The following GLUD1 variants were observed in gnomAD, a reference collection of about 807,000 sequenced individuals.
The protein encoded by GLUD1 is glutamate dehydrogenase 1.
In GLUD1, 22 loss-of-function variants were observed where a neutral mutation model predicts 56.0. The observed-to-expected ratio is 0.39, with a 90% CI of 0.28 to 0.56. The LOEUF is 0.56. Among genes scored for constraint, GLUD1 ranks in the 20% least tolerant of loss-of-function variants. GLUD1 has a pLI of 0.58. For synonymous variants in GLUD1, 223 were observed against 269.9 expected, an observed-to-expected ratio of 0.83 and a Z score of 1.70; for missense variants, 451 against 732.0, an observed-to-expected ratio of 0.62 and a Z score of 4.43.
chr10:87,074,216 G>A (rs1471427793), intron 4 of GLUD1, among the ~76,000 whole-genome samples: 2 of 152,116 alleles, frequency 1.3e-5, no homozygotes, highest in African/African-American at 4.8e-5. Flanking sequence ...ACAAATAGTA[G>A]GAGGCCGGGC....
At chr10:87,063,679 G>C (rs575543667) in intron 5 of GLUD1, among the ~76,000 whole-genome samples, 1 of 148,980 alleles carries the variant, frequency 6.7e-6, no homozygotes, top group East Asian at 1.9e-4. Flanking sequence ...AATATAACTT[G>C]ATACTTAATA....
intron 4 of GLUD1, among the ~76,000 whole-genome samples, chr10:87,069,854 TGAC>T (rs141614769): frequency 0.59 from 86,385 of 147,506 alleles, 25,147 homozygotes; most frequent in East Asian, 0.73. Flanking sequence ...ATGAAGTCAA[TGAC>T]GACAACAACA....
chr10:87,069,287 A>G (rs530275437), intron 4 of GLUD1, among the ~76,000 whole-genome samples: 1 of 151,932 alleles, frequency 6.6e-6, no homozygotes, highest in East Asian at 1.9e-4. Flanking sequence ...GAGGCTGAGG[A>G]GGGCGGATCA....
At chr10:87,093,966 A>G in intron 1 of GLUD1, 1 of 1,399,204 alleles carries the variant, frequency 7.1e-7, no homozygotes, top group Non-Finnish European at 9.4e-7. Context: ...GCATTATCAC[A>G]CGGGCAGGTC....
At chr10:87,060,658 T>C (rs751656525) in intron 8 of GLUD1, 30 bp downstream of exon 8, 1 of 1,613,794 alleles carries the variant, frequency 6.2e-7, no homozygotes, top group Non-Finnish European at 8.5e-7. Context: ...ACATTGATAA[T>C]GTTGGTTCTG....
chr10:87,094,344 G>A lies in GLUD1; in HGVS notation c.426C>T (p.His142=), dbSNP rs1841654696. The A allele has an allele frequency of 1.2e-6, 2 of 1,610,268 alleles. No homozygotes were observed. The highest frequency in any genetic ancestry group is 2.7e-5 in the African/African-American group (2 of 74,838). ...GCTCACCTCCCTTGCAGGGCGTGCG[G>A]TGCTGGCTGTGCTGGGCCCGGTAGC... ...IEGYRAQHSQ[H]RTPCKGGIRY... is the part of the protein sequence containing the mutation. The change falls in exon 1 of 13, where the codon CAC becomes CAT. Residue 142 remains histidine (H), a synonymous_variant. Coordinates refer to ENST00000277865, the MANE Select transcript of GLUD1 (RefSeq NM_005271.5). The surrounding 1 kb of genome is among the most constrained non-coding windows in gnomAD (Gnocchi z 6.6).
At chr10:87,072,864 A>C (rs1846275987) in intron 4 of GLUD1, among the ~76,000 whole-genome samples, 2 of 152,254 alleles carry the variant, frequency 1.3e-5, no homozygotes, top group South Asian at 4.1e-4. Flanking sequence ...AGATGACTTC[A>C]ATTCACCATA....
At chr10:87,081,360 C>A (rs1249005446) in intron 1 of GLUD1, among the ~76,000 whole-genome samples, 1 of 135,210 alleles carries the variant, frequency 7.4e-6, no homozygotes, top group East Asian at 2.3e-4. Flanking sequence ...CCGCCCTGTC[C>A]GGGAGGTGAG....
intron 11 of GLUD1, among the ~76,000 whole-genome samples, chr10:87,054,773 G>A (rs1029876142): frequency 6.6e-6 from 1 of 152,210 alleles, no homozygotes; most frequent in Admixed American, 6.5e-5. Context: ...GACTCAGAGG[G>A]AAACTGCTGA....
intron 1 of GLUD1, among the ~76,000 whole-genome samples, chr10:87,088,745 C>T (rs1205935112): frequency 6.6e-6 from 1 of 152,134 alleles, no homozygotes; most frequent in African/African-American, 2.4e-5. Context: ...AGACTTTCTC[C>T]AAGAATAATA....
intron 4 of GLUD1, among the ~76,000 whole-genome samples, chr10:87,070,395 G>C (rs1256183480): frequency 2.6e-5 from 4 of 152,098 alleles, no homozygotes; most frequent in African/African-American, 9.7e-5. Flanking sequence ...GGTCAAGAGA[G>C]AGAGACCATC....
intron 1 of GLUD1, among the ~76,000 whole-genome samples, chr10:87,080,165 C>G (rs1050780345): frequency 6.6e-6 from 1 of 151,948 alleles, no homozygotes; most frequent in Non-Finnish European, 1.5e-5. Flanking sequence ...GTCTCCAGCT[C>G]CTAACCGCGA....
At chr10:87,082,038 A>G (rs1473983045) in intron 1 of GLUD1, among the ~76,000 whole-genome samples, 1 of 151,968 alleles carries the variant, frequency 6.6e-6, no homozygotes, top group African/African-American at 2.4e-5. Context: ...AGCCTGTGGA[A>G]GTCATCACCA....
Position 87,050,407 on chromosome 10 carries a change from T to C in GLUD1, c.*1344A>G, listed in dbSNP as rs892394285. 1.2e-4 allele frequency: 18 copies of C among 151,590 alleles called. No homozygotes were observed. Among genetic ancestry groups the C allele is most frequent in the South Asian group, 8.3e-4 (4 of 4,824 alleles). The allele number at this position is 151,590 out of a possible 1,614,324, so 9.4% of individuals were successfully genotyped here. ...GTTATACAGGTGGTCGCTATAAACA[T>C]TTCAGAAATCCAATTGCAGTATTAT... On this transcript the variant is annotated 3_prime_UTR_variant, in exon 13 of 13. Coordinates refer to ENST00000277865, the MANE Select transcript of GLUD1 (RefSeq NM_005271.5).
chr10:87,051,538 A>G lies in GLUD1; in HGVS notation c.*213T>C. On this transcript the variant is annotated 3_prime_UTR_variant, in exon 13 of 13. Coordinates refer to ENST00000277865, the MANE Select transcript of GLUD1 (RefSeq NM_005271.5). ...AAATACCAAAATGGCTCTCTGGTGT[A>G]GGTGATTTCTACTTTCACACTCAGC... The G allele has an allele frequency of 1.5e-6, 1 of 645,534 alleles. No individual in the cohort carries two copies. The highest frequency in any genetic ancestry group is 2.8e-5 in the East Asian group (1 of 35,270). The allele number at this position is 645,534 out of a possible 1,614,324, so 40.0% of individuals were successfully genotyped here.
At chr10:87,092,711 T>C (rs1841541124) in intron 1 of GLUD1, 1 of 370,976 alleles carries the variant, frequency 2.7e-6, no homozygotes, top group South Asian at 1.1e-4. Flanking sequence ...GAAAACCACA[T>C]ACACTGATTT....
At chr10:87,091,965 G>C (rs1214686644) in intron 1 of GLUD1, among the ~76,000 whole-genome samples, 1 of 152,008 alleles carries the variant, frequency 6.6e-6, no homozygotes, top group Non-Finnish European at 1.5e-5. Flanking sequence ...GAATTTCATA[G>C]GGATTATCCA....
At chr10:87,053,551 C>T (rs1203835198) in intron 11 of GLUD1, 147 bp from the exon 12 acceptor site, 1 of 693,540 alleles carries the variant, frequency 1.4e-6, no homozygotes, top group Non-Finnish European at 2.7e-6. Context: ...TGCACAGTAT[C>T]AAAGATACAG....
chr10:87,087,947 G>A (rs949520369), intron 1 of GLUD1, among the ~76,000 whole-genome samples: 1 of 152,166 alleles, frequency 6.6e-6, no homozygotes, highest in Non-Finnish European at 1.5e-5. Context: ...TAGGTGAGGT[G>A]GTGCATGCCT....
Sources: gnomAD v4.1 joint callset for allele counts (sites outside exome capture counted in the v4.1 genomes callset) on GRCh38, gnomAD v4.1.1 for gene constraint, Gnocchi (gnomAD v3.1) non-coding constraint, MANE v1.5 for transcripts, NCBI Gene and HGNC (gene_info 2026-07-23, HGNC 2026-07-21) for gene names.